The following NTN1 variants were observed in gnomAD, a reference collection of about 807,000 sequenced individuals.
NTN1 encodes the protein netrin 1.
NTN1 carries 11 observed loss-of-function variants against 54.2 expected under a neutral mutation model. That is an observed-to-expected ratio of 0.20 (90% CI 0.13 to 0.34). The LOEUF is 0.34. Among genes scored for constraint, NTN1 ranks in the 10% least tolerant of loss-of-function variants. The probability of loss-of-function intolerance (pLI) is 1.00; values close to 1 mark genes in which losing one functional copy is unlikely to be tolerated. For missense variants in NTN1, 740 were observed against 893.1 expected (o/e 0.83, Z 2.18); for synonymous variants, 371 against 382.0 (o/e 0.97, Z 0.33).
intron 5 of NTN1, among the ~76,000 whole-genome samples, chr17:9,206,479 G>C (rs1020751589): frequency 3.3e-5 from 5 of 152,120 alleles, no homozygotes; most frequent in East Asian, 1.9e-4. Flanking sequence ...CTGCCCTCGG[G>C]GGGAGGGGGC....
At chr17:9,091,677 T>G (rs943776444) in intron 2 of NTN1, among the ~76,000 whole-genome samples, 4 of 151,898 alleles carry the variant, frequency 2.6e-5, no homozygotes, top group African/African-American at 9.7e-5. Context: ...GGTCTCGAAC[T>G]CCCGACCTCA....
intron 2 of NTN1, among the ~76,000 whole-genome samples, chr17:9,122,020 A>G (rs1252780192): frequency 6.0e-5 from 9 of 150,532 alleles, no homozygotes; most frequent in Non-Finnish European, 1.3e-4. Flanking sequence ...GGTTCTAGGG[A>G]GTTCGTTTCT....
At chr17:9,147,007 A>C (rs1284214719) in intron 2 of NTN1, among the ~76,000 whole-genome samples, 1 of 152,032 alleles carries the variant, frequency 6.6e-6, no homozygotes, top group Non-Finnish European at 1.5e-5. Flanking sequence ...TGAACCCCCA[A>C]AGGCCTGTTC....
At chr17:9,026,216 G>A (rs1166336156) in intron 2 of NTN1, among the ~76,000 whole-genome samples, 2 of 152,064 alleles carry the variant, frequency 1.3e-5, no homozygotes, top group Admixed American at 1.3e-4. Context: ...TGACTGAACA[G>A]TCCTTCGACA....
At chr17:9,045,030 A>T (rs1051993523) in intron 2 of NTN1, among the ~76,000 whole-genome samples, 1 of 152,222 alleles carries the variant, frequency 6.6e-6, no homozygotes, top group Non-Finnish European at 1.5e-5. Flanking sequence ...ACACAGGGGA[A>T]GTTGGCCTCT....
chr17:9,035,283 C>A (rs2091900321), intron 2 of NTN1, among the ~76,000 whole-genome samples: 1 of 152,206 alleles, frequency 6.6e-6, no homozygotes, highest in Non-Finnish European at 1.5e-5. Context: ...TAAATGGAAT[C>A]ATATTCTGGC....
In NTN1 at chr17:9,211,286, CT is replaced by C. The variant is rs1422454281; in HGVS notation, c.1412-9881del. 1.1e-4 allele frequency among the ~76,000 whole-genome samples: 16 copies of C among 152,194 alleles called. No individual in the cohort carries two copies. Among genetic ancestry groups the C allele is most frequent in the African/African-American group, 3.9e-4 (16 of 41,444 alleles). On this transcript the variant is annotated intron_variant, in intron 5 of 6. Coordinates refer to ENST00000173229, the MANE Select transcript of NTN1 (RefSeq NM_004822.3). The surrounding 1 kb of genome is among the most constrained non-coding windows in gnomAD (Gnocchi z 4.4). The stretch of plus-strand genomic sequence containing the variant: ...GCTGGGATGCTCCTCCCTGCACTTC[CT>C]GGGGCTGATCCCTTGTCATCTGAGT...
In NTN1 at chr17:9,219,522, C is replaced by G. The variant is rs1905284292; in HGVS notation, c.1412-1646C>G. On this transcript the variant is annotated intron_variant, in intron 5 of 6. Coordinates refer to ENST00000173229, the MANE Select transcript of NTN1 (RefSeq NM_004822.3). This position sits in a 1 kb window ranked among gnomAD's most constrained non-coding sequence, Gnocchi z 4.5. Reference sequence around the variant, plus strand: ...CAGGAAGCGGTGGGAGGCTACCACACCCATGGCCCCCAAGGTAGTGGGATA... The same window carrying G: ...CAGGAAGCGGTGGGAGGCTACCACAGCCATGGCCCCCAAGGTAGTGGGATA... Among the ~76,000 whole-genome samples the G allele has an allele frequency of 6.6e-6, 1 of 152,198 alleles. No individual in the cohort carries two copies. Among genetic ancestry groups the G allele is most frequent in the South Asian group, 2.1e-4 (1 of 4,826 alleles).
chr17:9,231,945 G>A (rs1343478054), intron 6 of NTN1, among the ~76,000 whole-genome samples: 1 of 152,114 alleles, frequency 6.6e-6, no homozygotes, highest in Non-Finnish European at 1.5e-5. Context: ...CCTCCTACTG[G>A]GTGGTTCTCG....
chr17:9,082,110 A>G (rs566583362), intron 2 of NTN1, among the ~76,000 whole-genome samples: 6 of 152,280 alleles, frequency 3.9e-5, no homozygotes, highest in African/African-American at 1.4e-4. Context: ...CCCAGGCTGG[A>G]GTACAGTGGT....
intron 2 of NTN1, among the ~76,000 whole-genome samples, chr17:9,126,525 G>C (rs1250134524): frequency 1.3e-5 from 2 of 152,008 alleles, no homozygotes; most frequent in East Asian, 1.9e-4. Context: ...AAAAAAGAGA[G>C]AGAGAGAGAG....
intron 5 of NTN1, chr17:9,183,272 A>G (rs1408877520): frequency 3.3e-6 from 2 of 611,462 alleles, no homozygotes; most frequent in Admixed American, 4.3e-5. Flanking sequence ...AACACCTTCC[A>G]GGCTGAGGGG....
intron 2 of NTN1, among the ~76,000 whole-genome samples, chr17:9,117,900 G>A (rs2092219608): frequency 6.6e-6 from 1 of 152,152 alleles, no homozygotes; most frequent in Admixed American, 6.5e-5. Flanking sequence ...AGGGCTGAGA[G>A]GTACCATCTG....
chr17:9,192,043 G>GTT (rs1411981177), intron 5 of NTN1, among the ~76,000 whole-genome samples: 1 of 152,018 alleles, frequency 6.6e-6, no homozygotes, highest in Non-Finnish European at 1.5e-5. Context: ...TATTCTCTGT[G>GTT]TTGAAAAGGG....
chr17:9,035,180 T>C (rs993576828), intron 2 of NTN1, among the ~76,000 whole-genome samples: 7 of 151,618 alleles, frequency 4.6e-5, no homozygotes. Context: ...TCTCCTGACC[T>C]TGTGATCCGC....
chr17:9,083,422 C>T (rs962388810), intron 2 of NTN1, among the ~76,000 whole-genome samples: 1 of 152,222 alleles, frequency 6.6e-6, no homozygotes, highest in Non-Finnish European at 1.5e-5. Context: ...GTAATCCAGT[C>T]AGGATGATTC....
chr17:9,114,287 A>C (rs1483191925), intron 2 of NTN1, among the ~76,000 whole-genome samples: 1 of 150,276 alleles, frequency 6.7e-6, no homozygotes, highest in African/African-American at 2.4e-5. Flanking sequence ...TGATACTTTT[A>C]AAAAATGTGC....
At chr17:9,149,172 G>A (rs1464498250) in intron 2 of NTN1, among the ~76,000 whole-genome samples, 2 of 152,066 alleles carry the variant, frequency 1.3e-5, no homozygotes, top group African/African-American at 2.4e-5. Flanking sequence ...CGGCTTGGCT[G>A]GCAAATCAGC....
intron 2 of NTN1, among the ~76,000 whole-genome samples, chr17:9,073,865 C>G (rs139018095): frequency 1.3e-5 from 2 of 152,184 alleles, no homozygotes; most frequent in Non-Finnish European, 2.9e-5. Context: ...GGCCCTCTTT[C>G]GCGCAGTGAG....
Sources: allele counts gnomAD v4.1 joint callset (sites outside exome capture counted in the v4.1 genomes callset), GRCh38; gene constraint gnomAD v4.1.1; non-coding constraint Gnocchi (gnomAD v3.1); transcripts MANE v1.5; gene names NCBI Gene and HGNC (gene_info 2026-07-23, HGNC 2026-07-21).